The following DCDC2 variants were observed in gnomAD, a reference collection of about 807,000 sequenced individuals.
The protein encoded by DCDC2 is doublecortin domain containing 2.
In DCDC2, 40 loss-of-function variants were observed where a neutral mutation model predicts 50.2. The ratio of observed to expected loss-of-function variants is 0.80; its 90% confidence interval spans 0.62 to 1.04. The LOEUF (loss-of-function observed/expected upper bound fraction) is 1.04, where lower values mean the gene tolerates loss of function less well. DCDC2 is among the 50% of genes least tolerant of loss of function. The pLI, the probability that DCDC2 is intolerant of heterozygous loss-of-function variation, is 0.00. For missense variants in DCDC2, 570 were observed against 581.9 expected (o/e 0.98, Z 0.21); for synonymous variants, 234 against 210.6 (o/e 1.11, Z -0.96).
intron 2 of DCDC2, among the ~76,000 whole-genome samples, chr6:24,322,380 A>C (rs1759788093): frequency 6.6e-6 from 1 of 152,148 alleles, no homozygotes; most frequent in South Asian, 2.1e-4. Flanking sequence ...GAAAATAAAA[A>C]TGTTTTACCC....
intron 7 of DCDC2, among the ~76,000 whole-genome samples, chr6:24,258,900 C>T (rs546867658): frequency 6.6e-6 from 1 of 152,174 alleles, no homozygotes; most frequent in Non-Finnish European, 1.5e-5. Context: ...TGGGCAGGAA[C>T]TTGTGCTATA....
chr6:24,224,552 T>C (rs768434981), intron 7 of DCDC2, among the ~76,000 whole-genome samples: 6 of 152,290 alleles, frequency 3.9e-5, no homozygotes, highest in Middle Eastern at 3.4e-3. Flanking sequence ...TACACACACA[T>C]ATGTGGTGTG....
At chr6:24,377,015 C>G in the DCDC2 span, among the ~76,000 whole-genome samples, 1 of 152,084 alleles carries the variant, frequency 6.6e-6, no homozygotes, top group East Asian at 1.9e-4. Context: ...TCACCAATGC[C>G]CCAGGCCTTC....
chr6:24,359,871 G>A (rs1291008285), upstream of DCDC2, among the ~76,000 whole-genome samples: 9 of 152,178 alleles, frequency 5.9e-5, no homozygotes, highest in Non-Finnish European at 8.8e-5. Context: ...GCGAAGCTCG[G>A]GTGCGCATCA....
chr6:24,339,133 C>T (rs1171264119), intron 2 of DCDC2, among the ~76,000 whole-genome samples: 1 of 152,082 alleles, frequency 6.6e-6, no homozygotes, highest in Non-Finnish European at 1.5e-5. Context: ...CATCTGCAGA[C>T]ATTCACACAT....
intron 8 of DCDC2, among the ~76,000 whole-genome samples, chr6:24,181,523 G>C (rs914572296): frequency 6.6e-6 from 1 of 152,144 alleles, no homozygotes; most frequent in Non-Finnish European, 1.5e-5. Context: ...AAAATGAGTT[G>C]CATTTCTATA....
intron 8 of DCDC2, among the ~76,000 whole-genome samples, chr6:24,181,743 G>T (rs2113742282): frequency 6.6e-6 from 1 of 152,264 alleles, no homozygotes; most frequent in South Asian, 2.1e-4. Flanking sequence ...ATCATTAAGA[G>T]GTCAATATTA....
intron 8 of DCDC2, among the ~76,000 whole-genome samples, chr6:24,191,973 G>A (rs1761322933): frequency 6.6e-6 from 1 of 152,136 alleles, no homozygotes; most frequent in East Asian, 1.9e-4. Flanking sequence ...AAGAAGGCTT[G>A]GGGATGGAGG....
intron 7 of DCDC2, among the ~76,000 whole-genome samples, chr6:24,224,537 A>G (rs762666577): frequency 2.6e-5 from 4 of 152,206 alleles, no homozygotes; most frequent in Non-Finnish European, 4.4e-5. Flanking sequence ...ACATGCATGT[A>G]TATGTACACA....
At chr6:24,357,318 T>G in intron 1 of DCDC2, 140 bp downstream of exon 1, 3 of 987,448 alleles carry the variant, frequency 3.0e-6, no homozygotes, top group East Asian at 2.7e-5. Context: ...GCAACGAGAG[T>G]TTTGAGGGGC....
chr6:24,266,471 G>A (rs188356125), intron 7 of DCDC2, among the ~76,000 whole-genome samples: 248 of 151,836 alleles, frequency 1.6e-3, no homozygotes, highest in Middle Eastern at 3.4e-3. Context: ...AACTCAATAG[G>A]GAAAAAATCT....
upstream of DCDC2, among the ~76,000 whole-genome samples, chr6:24,360,121 A>G (rs867505624): frequency 6.6e-6 from 1 of 152,188 alleles, no homozygotes; most frequent in Non-Finnish European, 1.5e-5. Flanking sequence ...TCTCTCACCC[A>G]AGGGGAACGG....
upstream of DCDC2, among the ~76,000 whole-genome samples, chr6:24,359,198 ATATATATTTTATATAT>A (rs1275576216): frequency 2.8e-4 from 12 of 42,678 alleles, no homozygotes; most frequent in African/African-American, 1.3e-3. Flanking sequence ...TTTATATATT[ATATATATTTTATATAT>A]TATATATTTT....
chr6:24,208,360 C>T (rs1356810027), intron 7 of DCDC2, among the ~76,000 whole-genome samples: 3 of 139,478 alleles, frequency 2.2e-5, no homozygotes, highest in Non-Finnish European at 4.6e-5. Flanking sequence ...CTCCTCTGTG[C>T]TACTTTTTTT....
At chr6:24,198,226 G>C (rs1288412175) in intron 8 of DCDC2, among the ~76,000 whole-genome samples, 1 of 152,182 alleles carries the variant, frequency 6.6e-6, no homozygotes, top group Non-Finnish European at 1.5e-5. Flanking sequence ...TGGCCAAATA[G>C]GAACAGCTCT....
In DCDC2 at chr6:24,251,732, A is replaced by T. The variant is rs1259954086; in HGVS notation, c.922+26317T>A. On this transcript the variant is annotated intron_variant, in intron 7 of 9. Coordinates refer to ENST00000378454, the MANE Select transcript of DCDC2 (RefSeq NM_016356.5). Reference sequence around the variant, plus strand: ...ACCTAGGATGGATTTCTTAAGCATTATAAGTAAATCAACTCCCTTCTCCTG... The same window carrying T: ...ACCTAGGATGGATTTCTTAAGCATTTTAAGTAAATCAACTCCCTTCTCCTG... Among the ~76,000 whole-genome samples the T allele has an allele frequency of 2.6e-5, 4 of 152,212 alleles. No homozygotes were observed. In the East Asian group the frequency reaches 7.7e-4, roughly 29 times the overall value.
intron 2 of DCDC2, among the ~76,000 whole-genome samples, chr6:24,345,069 T>C (rs1251107475): frequency 1.3e-5 from 2 of 152,308 alleles, no homozygotes; most frequent in East Asian, 3.9e-4. Flanking sequence ...TCTGGAAAGT[T>C]TTCCTCAAGT....
chr6:24,330,017 T>A (rs974667849), intron 2 of DCDC2, among the ~76,000 whole-genome samples: 5 of 152,176 alleles, frequency 3.3e-5, no homozygotes, highest in Admixed American at 2.6e-4. Flanking sequence ...TGATACTCCA[T>A]CCAGTGTTAG....
At position 24,278,102 on chromosome 6, in the gene DCDC2, T is replaced by C. The variant is rs1561755265; in HGVS notation, c.869A>G (p.Lys290Arg). Residue 290 changes from lysine (K) to arginine (R), a missense_variant, in exon 7 of 10, where the codon AAA (lysine) becomes AGA (arginine). Lys to Arg is a conservative substitution (Grantham distance 26). Coordinates refer to ENST00000378454, the MANE Select transcript of DCDC2 (RefSeq NM_016356.5). ...CTTTAATTTTACATTTTGTTTCAAT[T>C]TCGTCAGTTTTTCTGAATTCACGTC... Reference protein sequence around the residue: ...KEDVNSEKLTKLKQNVKLKNS... With the variant: ...KEDVNSEKLTRLKQNVKLKNS... 6.2e-7 allele frequency: 1 copy of C among 1,613,838 alleles called. No homozygotes were observed. The highest frequency in any genetic ancestry group is 2.2e-5 in the East Asian group (1 of 44,858).
Sources: allele counts gnomAD v4.1 joint callset (sites outside exome capture counted in the v4.1 genomes callset), GRCh38; gene constraint gnomAD v4.1.1; transcripts MANE v1.5; gene names NCBI Gene and HGNC (gene_info 2026-07-23, HGNC 2026-07-21).